Variants in PTCD1 observed in about 807,000 individuals in gnomAD.
PTCD1 encodes the protein pentatricopeptide repeat domain 1, also known as pentatricopeptide repeat-containing protein 1, mitochondrial.
In PTCD1, 50 loss-of-function variants were observed where a neutral mutation model predicts 53.4. The ratio of observed to expected loss-of-function variants is 0.94; its 90% CI spans 0.75 to 1.19. PTCD1 has a LOEUF of 1.19. PTCD1 is among the 50% of genes most tolerant of loss of function. The pLI, the probability that PTCD1 is intolerant of heterozygous loss-of-function variation, is 0.00. For missense variants in PTCD1, 918 were observed against 904.8 expected, an observed-to-expected ratio of 1.01 and a Z score of -0.19; for synonymous variants, 413 against 394.8, an observed-to-expected ratio of 1.05 and a Z score of -0.55.
chr7:99,438,122 G>C (rs533236622), intron 1 of PTCD1, among the ~76,000 whole-genome samples: 1 of 151,946 alleles, frequency 6.6e-6, no homozygotes, highest in Admixed American at 6.6e-5. Flanking sequence ...ACCCCACCCT[G>C]GTTAAAAAAA....
At chr7:99,430,185 C>T (rs1002612629) in intron 3 of PTCD1, among the ~76,000 whole-genome samples, 10 of 152,232 alleles carry the variant, frequency 6.6e-5, no homozygotes, top group African/African-American at 1.2e-4. Flanking sequence ...CACTTCCTCG[C>T]GAAAATGGGG....
intron 7 of PTCD1, among the ~76,000 whole-genome samples, chr7:99,421,580 TA>T (rs1255958525): frequency 2.4e-3 from 307 of 126,612 alleles, no homozygotes; most frequent in Middle Eastern, 8.0e-3. Context: ...CCGTCTCTAC[TA>T]AAAAAAAAAA....
Position 99,425,381 on chromosome 7 carries a change from A to G in PTCD1, c.1151T>C (p.Leu384Pro). The change falls in exon 6 of 8, where the codon CTG (leucine) becomes CCG (proline). Residue 384 changes from leucine to proline, a missense_variant. Coordinates refer to ENST00000292478, the MANE Select transcript of PTCD1 (RefSeq NM_015545.4). ...LMSAMLHVEA[L>P]ERQLFLEPSQ... is the part of the protein sequence containing the mutation. ...AGGTTCCAGAAACAGCTGCCTCTCC[A>G]GGGCCTCCACATGCAGCATGGCTGA... The G allele has an allele frequency of 6.2e-7, 1 of 1,614,182 alleles. No individual in the cohort carries two copies. Among genetic ancestry groups the G allele is most frequent in the East Asian group, 2.2e-5 (1 of 44,888 alleles).
chr7:99,421,441 A>AG (rs1223344601), intron 7 of PTCD1, among the ~76,000 whole-genome samples: 1 of 146,724 alleles, frequency 6.8e-6, no homozygotes, highest in Non-Finnish European at 1.5e-5. Context: ...AAAAAAAAAA[A>AG]AAAAAAGAAA....
chr7:99,429,485 TC>T, intron 4 of PTCD1, 102 bp downstream of exon 4: 1 of 1,545,394 alleles, frequency 6.5e-7, no homozygotes, highest in South Asian at 1.2e-5. Context: ...TGTCTCATCC[TC>T]CCTAAGCCTT....
intron 5 of PTCD1, among the ~76,000 whole-genome samples, chr7:99,426,521 G>T (rs2150951708): frequency 6.6e-6 from 1 of 152,270 alleles, no homozygotes; most frequent in African/African-American, 2.4e-5. Context: ...GAGTGCAGTG[G>T]CGTGATCTCG....
intron 1 of PTCD1, 120 bp downstream of exon 1, chr7:99,438,572 C>T: frequency 2.6e-6 from 3 of 1,132,218 alleles, no homozygotes; most frequent in African/African-American, 3.4e-5. Context: ...CGGACTTCTG[C>T]AGCCTCAGTT....
intron 3 of PTCD1, among the ~76,000 whole-genome samples, chr7:99,432,436 T>C (rs1200947686): frequency 1.3e-5 from 2 of 152,118 alleles, no homozygotes; most frequent in Non-Finnish European, 2.9e-5. Context: ...CACCCTTCCT[T>C]AAACTTATTT....
intron 7 of PTCD1, among the ~76,000 whole-genome samples, chr7:99,420,955 A>C (rs912328553): frequency 2.0e-5 from 3 of 151,984 alleles, no homozygotes; most frequent in Non-Finnish European, 4.4e-5. Flanking sequence ...TCAAAAAAAA[A>C]CAAAAACAAA....
At chr7:99,429,251 G>A in intron 4 of PTCD1, 47 bp from the exon 5 acceptor site, 1 of 1,605,062 alleles carries the variant, frequency 6.2e-7, no homozygotes, top group South Asian at 1.1e-5. Flanking sequence ...GCAGCAGGCT[G>A]GGCATGGTAG....
chr7:99,427,486 G>T (rs1371888967), intron 5 of PTCD1, among the ~76,000 whole-genome samples: 2 of 149,628 alleles, frequency 1.3e-5, no homozygotes, highest in African/African-American at 2.5e-5. Flanking sequence ...AGGTGGGGGG[G>T]GTCAGCCCCC....
chr7:99,430,183 C>T (rs760117281), intron 3 of PTCD1, among the ~76,000 whole-genome samples: 4 of 152,224 alleles, frequency 2.6e-5, no homozygotes, highest in East Asian at 1.9e-4. Context: ...AGCACTTCCT[C>T]GCGAAAATGG....
chr7:99,426,129 C>T (rs956611136), intron 5 of PTCD1, among the ~76,000 whole-genome samples: 35 of 149,154 alleles, frequency 2.3e-4, no homozygotes, highest in African/African-American at 8.3e-4. Context: ...CTCCCCCTCC[C>T]TCTCCCCATG....
intron 5 of PTCD1, among the ~76,000 whole-genome samples, chr7:99,426,082 T>A (rs1222772743): frequency 1.3e-5 from 2 of 150,706 alleles, no homozygotes; most frequent in African/African-American, 4.9e-5. Context: ...GTAAAACATT[T>A]AAAAAATTGG....
Position 99,434,954 on chromosome 7 carries a change from A to C in PTCD1, c.289T>G (p.Ser97Ala). Residue 97 changes from serine to alanine, a missense_variant, in exon 2 of 8, where the codon TCC becomes GCC. Physicochemically the swap from Ser to Ala is moderately conservative, Grantham distance 99. Transcript: ENST00000292478. ...GATTTGCGGAATAGTCTCCGGGAGG[A>C]GTATTTGTCAGAGAGGGTCCCAAAA... ...ESFGTLSDKY[S>A]SRRLFRKSAA... The C allele has an allele frequency of 6.2e-7, 1 of 1,614,112 alleles. No individual in the cohort carries two copies. The highest frequency in any genetic ancestry group is 1.1e-5 in the South Asian group (1 of 91,082).
intron 7 of PTCD1, among the ~76,000 whole-genome samples, chr7:99,420,415 T>G (rs910053770): frequency 6.6e-6 from 1 of 152,080 alleles, no homozygotes; most frequent in Non-Finnish European, 1.5e-5. Context: ...TGCTCCTCCA[T>G]CCGCAGTTGC....
intron 2 of PTCD1, among the ~76,000 whole-genome samples, chr7:99,434,145 C>T (rs1032985630): frequency 3.3e-5 from 5 of 151,420 alleles, no homozygotes; most frequent in African/African-American, 7.3e-5. Flanking sequence ...ACAGGTGGTA[C>T]GAACAAAACT....
At chr7:99,420,348 C>T (rs1023718865) in intron 7 of PTCD1, among the ~76,000 whole-genome samples, 199 bp from the exon 8 acceptor site, 2 of 152,192 alleles carry the variant, frequency 1.3e-5, no homozygotes, top group African/African-American at 4.8e-5. Flanking sequence ...GCTGGGTACC[C>T]TGGGGCAGGC....
chr7:99,427,160 C>A (rs1034890094), intron 5 of PTCD1, among the ~76,000 whole-genome samples: 5 of 149,736 alleles, frequency 3.3e-5, no homozygotes, highest in African/African-American at 1.2e-4. Flanking sequence ...GGCCAGCCGC[C>A]CCGTCCGGGA....
Sources: gnomAD v4.1 joint callset for allele counts (sites outside exome capture counted in the v4.1 genomes callset) on GRCh38, gnomAD v4.1.1 for gene constraint, MANE v1.5 for transcripts, NCBI Gene and HGNC (gene_info 2026-07-23, HGNC 2026-07-21) for gene names.